Variants in MPDZ observed in about 807,000 individuals in gnomAD.
MPDZ encodes multiple PDZ domain crumbs cell polarity complex component, also known as multiple PDZ domain protein.
A neutral mutation model predicts 239.1 loss-of-function variants in MPDZ; 234 were observed. That is an observed-to-expected ratio of 0.98 (90% CI 0.88 to 1.09). The LOEUF (loss-of-function observed/expected upper bound fraction) is 1.09. MPDZ is among the 50% of genes least tolerant of loss of function. The probability of loss-of-function intolerance (pLI) is 0.00; values close to 1 mark genes in which losing one functional copy is unlikely to be tolerated. For synonymous variants in MPDZ, 1,048 were observed against 881.3 expected (o/e 1.19, Z -3.35); for missense variants, 3,175 against 2,510.0 (o/e 1.26, Z -5.66).
chr9:13,114,141 T>C (rs546352743), intron 40 of MPDZ, 120 bp from the exon 41 acceptor site: 3 of 777,904 alleles, frequency 3.9e-6, no homozygotes, highest in East Asian at 2.7e-5. Context: ...CATTTGATAA[T>C]TTGATGAGCA....
chr9:13,110,113 A>G (rs746271069), intron 44 of MPDZ, 49 bp from the exon 45 acceptor site: 6 of 1,364,196 alleles, frequency 4.4e-6, no homozygotes, highest in Non-Finnish European at 6.1e-6. Context: ...TCCTGTGGCT[A>G]GGGAAAGTAA....
At chr9:13,152,882 A>G (rs1949365326) in intron 24 of MPDZ, among the ~76,000 whole-genome samples, 2 of 152,146 alleles carry the variant, frequency 1.3e-5, no homozygotes, top group African/African-American at 4.8e-5. Flanking sequence ...TCTTGTGAAA[A>G]AGCAGGATGT....
At chr9:13,259,902 C>T (rs1481029076) in intron 1 of MPDZ, among the ~76,000 whole-genome samples, 5 of 152,096 alleles carry the variant, frequency 3.3e-5, no homozygotes, top group African/African-American at 1.2e-4. Flanking sequence ...GGCACAATCT[C>T]GGCTCACTGC....
rs1563931091 is a variant in MPDZ, at chr9:13,160,860, AT to A, written c.3359+1830del. 2.3e-4 allele frequency among the ~76,000 whole-genome samples: 29 copies of A among 123,912 alleles called. 1 individual carries two copies. Among genetic ancestry groups the A allele is most frequent in the African/African-American group, 7.7e-4 (26 of 33,898 alleles). 81.3% of individuals were successfully genotyped at this position (123,912 alleles called of 152,430 possible). Reference sequence around the variant, plus strand: ...TATATATATATATATATATATATATATATATATATAAAACAGGTACTTACAT... The same window carrying A: ...TATATATATATATATATATATATATAATATATATAAAACAGGTACTTACAT... On this transcript the variant is annotated intron_variant, in intron 23 of 46. Transcript: ENST00000319217.
chr9:13,121,896 CAT>C lies in MPDZ; in HGVS notation c.5072_5073del (p.Asp1691GlyfsTer21), dbSNP rs768711904. On this transcript the variant is annotated frameshift_variant, in exon 38 of 47. Transcript: ENST00000319217. LOFTEE classifies it high-confidence loss of function. Reference protein sequence around the residue: ...NGIDLRKATHDEAINVLRQTP... With the variant: ...NGIDLRKATHXEAINVLRQTP... Reference sequence around the variant, plus strand: ...GTCTGTCTCAGGACATTGATTGCTTCATCATGTGTGGCCTTTCTCAAGTCAAT... The same window carrying C: ...GTCTGTCTCAGGACATTGATTGCTTCCATGTGTGGCCTTTCTCAAGTCAAT... The C allele has an allele frequency of 6.2e-7, 1 of 1,613,772 alleles. No individual in the cohort carries two copies.
Position 13,147,552 on chromosome 9 carries a change from G to C in MPDZ, c.3737C>G (p.Pro1246Arg), listed in dbSNP as rs1273912879. The change falls in exon 26 of 47, where the codon CCA becomes CGA. Residue 1246 changes from proline to arginine, a missense_variant. Physicochemically the swap from Pro to Arg is moderately radical, Grantham distance 103. Coordinates refer to ENST00000319217, the MANE Select transcript of MPDZ (RefSeq NM_001378778.1). ...TTGCCCTTTGTGTTCGCTTACCCTT[G>C]GTCTGTTTATAATGCTCTGTACCAT... The part of the protein sequence containing the change: ...VFMVQSIINR[P>R]RKSPLPSLLH... 3.1e-6 allele frequency: 5 copies of C among 1,610,406 alleles called. No homozygotes were observed. Among genetic ancestry groups the C allele is most frequent in the Non-Finnish European group, 4.2e-6 (5 of 1,177,182 alleles).
intron 2 of MPDZ, 21 bp downstream of exon 2, chr9:13,250,279 G>A (rs1302492563): frequency 1.3e-6 from 2 of 1,589,906 alleles, no homozygotes; most frequent in South Asian, 2.3e-5. Context: ...ATAAAAGTAG[G>A]CAGAAAAGAA....
At chr9:13,219,905 TA>T in intron 7 of MPDZ, 137 bp from the exon 8 acceptor site, 1 of 744,378 alleles carries the variant, frequency 1.3e-6, no homozygotes. Flanking sequence ...CACATGGGTA[TA>T]ATATTAACTG....
intron 2 of MPDZ, among the ~76,000 whole-genome samples, chr9:13,248,955 A>G (rs1967080810): frequency 8.4e-6 from 1 of 119,378 alleles, no homozygotes; most frequent in Non-Finnish European, 1.6e-5. Flanking sequence ...CCTGGGCGAC[A>G]GAGTGAGTGA....
rs374786109 is a variant in MPDZ, at chr9:13,162,842, C to T, written c.3255-47G>A. 20 of 1,385,414 alleles carry T rather than the reference C, an allele frequency of 1.4e-5. No individual in the cohort carries two copies. The Admixed American group carries it at 2.2e-4, about 15-fold the overall frequency. The allele number at this position is 1,385,414 out of a possible 1,614,324, so 85.8% of individuals were successfully genotyped here. On this transcript the variant is annotated intron_variant, in intron 22 of 46. Transcript: ENST00000319217. ...GGAAGTGAAGGGAAATAATATTTTGCCTAATTGTTAGGAAAAGCTTCTAAA... is the reference window on the plus strand; with the variant it reads ...GGAAGTGAAGGGAAATAATATTTTGTCTAATTGTTAGGAAAAGCTTCTAAA...
chr9:13,142,055 T>A (rs921245799), intron 27 of MPDZ, among the ~76,000 whole-genome samples: 1 of 152,140 alleles, frequency 6.6e-6, no homozygotes, highest in African/African-American at 2.4e-5. Context: ...CTTTAGAATT[T>A]TTCTGGCTAA....
chr9:13,223,719 G>C lies in MPDZ; in HGVS notation c.394-9C>G. 2 of 1,581,546 alleles carry C rather than the reference G, an allele frequency of 1.3e-6. No individual in the cohort carries two copies. Among genetic ancestry groups the C allele is most frequent in the Non-Finnish European group, 1.7e-6 (2 of 1,163,546 alleles). On this transcript the variant is annotated splice_polypyrimidine_tract_variant and intron_variant, in intron 4 of 46. Transcript: ENST00000319217. Reference sequence around the variant, plus strand: ...ACTTCTACATGGCGACCCTGTTTAGGAAACAAAGCAAGAAATAAAACTAAA... The same window carrying C: ...ACTTCTACATGGCGACCCTGTTTAGCAAACAAAGCAAGAAATAAAACTAAA...
intron 22 of MPDZ, chr9:13,165,435 A>T (rs1950958751): frequency 6.5e-7 from 1 of 1,547,974 alleles, no homozygotes; most frequent in Non-Finnish European, 8.7e-7. Flanking sequence ...ACGCCGCGGC[A>T]TCTTTTTACA....
intron 43 of MPDZ, 96 bp downstream of exon 43, chr9:13,111,928 T>A: frequency 7.6e-7 from 1 of 1,315,452 alleles, no homozygotes; most frequent in Non-Finnish European, 1.0e-6. Flanking sequence ...ATATAGATAT[T>A]TAAAACTGCC....
chr9:13,161,901 T>C (rs1950533948), intron 23 of MPDZ, among the ~76,000 whole-genome samples: 1 of 152,120 alleles, frequency 6.6e-6, no homozygotes, highest in Non-Finnish European at 1.5e-5. Context: ...AAACACTGTT[T>C]CCTAACATGC....
At chr9:13,117,447 C>A (rs917555881) in intron 39 of MPDZ, among the ~76,000 whole-genome samples, 24 of 151,160 alleles carry the variant, frequency 1.6e-4, no homozygotes, top group African/African-American at 5.6e-4. Flanking sequence ...AGGAGAATGG[C>A]GTGAACCCGG....
chr9:13,258,848 A>T (rs1970018615), intron 1 of MPDZ, among the ~76,000 whole-genome samples: 1 of 152,200 alleles, frequency 6.6e-6, no homozygotes, highest in African/African-American at 2.4e-5. Context: ...CACCAAAATG[A>T]AAGAAAATCA....
chr9:13,227,040 G>A (rs971270123), intron 3 of MPDZ, among the ~76,000 whole-genome samples: 2 of 151,830 alleles, frequency 1.3e-5, no homozygotes, highest in African/African-American at 2.4e-5. Context: ...TACAGTCCTT[G>A]TATTATCCAC....
chr9:13,248,527 C>T (rs925265199), intron 2 of MPDZ, among the ~76,000 whole-genome samples: 1 of 152,000 alleles, frequency 6.6e-6, no homozygotes, highest in South Asian at 2.1e-4. Context: ...AAACCTTTCC[C>T]TGAAACACAA....
Sources: allele counts gnomAD v4.1 joint callset (sites outside exome capture counted in the v4.1 genomes callset), GRCh38; gene constraint gnomAD v4.1.1; transcripts MANE v1.5; gene names NCBI Gene and HGNC (gene_info 2026-07-23, HGNC 2026-07-21).